Variants in OR2C3 observed in about 807,000 individuals in gnomAD.
The protein encoded by OR2C3 is olfactory receptor family 2 subfamily C member 3, also known as olfactory receptor 2C3.
For synonymous variants in OR2C3, 178 were observed against 163.4 expected (o/e 1.09, Z -0.68); for missense variants, 425 against 401.5 (o/e 1.06, Z -0.50).
At chr1:247,535,242 G>A (rs183346998) in intron 1 of OR2C3, among the ~76,000 whole-genome samples, 2 of 152,258 alleles carry the variant, frequency 1.3e-5, no homozygotes, top group Admixed American at 6.5e-5. Flanking sequence ...TTCAACCCAC[G>A]AGATCAAGGC....
In OR2C3 at chr1:247,527,426, C is replaced by G. The variant is rs1379838629; in HGVS notation, c.*4123G>C. 2 of 156,164 alleles carry G rather than the reference C, an allele frequency of 1.3e-5. No individual in the cohort carries two copies. Among genetic ancestry groups the G allele is most frequent in the African/African-American group, 4.8e-5 (2 of 41,556 alleles). 9.7% of individuals were successfully genotyped at this position (156,164 alleles called of 1,614,324 possible). A position where few individuals can be genotyped will look rare whatever the true frequency, so the allele number is the denominator to read the frequency against. ...TACTGCCACTTCCTCATTGCTTTCT[C>G]TGGAGGTTCTACCAACTTGACTACT... On this transcript the variant is annotated 3_prime_UTR_variant, in exon 3 of 3. Coordinates refer to ENST00000641802, the MANE Select transcript of OR2C3 (RefSeq NM_198074.6). This position sits in a 1 kb window ranked among gnomAD's most constrained non-coding sequence, Gnocchi z 4.6.
rs749532361 is a variant in OR2C3 at position 247,531,949 on chromosome 1, A to G, written c.563T>C (p.Leu188Pro). ...FFCEMPLIMQLACVDTSLNEM... is the reference protein window; with the variant it reads ...FFCEMPLIMQPACVDTSLNEM... ...ATTGAGGCTGGTATCCACACAAGCC[A>G]GTTGCATAATGAGGGGCATCTCGCA... The change falls in exon 3 of 3, where the codon CTG becomes CCG. Residue 188 changes from leucine to proline, a missense_variant. Transcript: ENST00000641802. The G allele has an allele frequency of 1.2e-6, 2 of 1,614,194 alleles. No homozygotes were observed. Among genetic ancestry groups the G allele is most frequent in the Admixed American group, 1.7e-5 (1 of 60,028 alleles).
At position 247,531,297 on chromosome 1, in the gene OR2C3, A is replaced by T. The variant is rs1666941699; in HGVS notation, c.*252T>A. ...CTGAACAACAACGCAAGGAGTTTACAAAACAAGATGACAGTCAACATGTGT... is the reference window on the plus strand; with the variant it reads ...CTGAACAACAACGCAAGGAGTTTACTAAACAAGATGACAGTCAACATGTGT... On this transcript the variant is annotated 3_prime_UTR_variant, in exon 3 of 3. Transcript: ENST00000641802. 2 of 504,022 alleles carry T rather than the reference A, an allele frequency of 4.0e-6. No homozygotes were observed. Among genetic ancestry groups the T allele is most frequent in the Non-Finnish European group, 7.0e-6 (2 of 284,954 alleles). 31.2% of individuals were successfully genotyped at this position (504,022 alleles called of 1,614,324 possible).
At position 247,526,297 on chromosome 1, in the gene OR2C3, T is replaced by A. The variant is rs1666680180; in HGVS notation, c.*5252A>T. The A allele has an allele frequency of 6.6e-6, 1 of 152,206 alleles. No individual in the cohort carries two copies. Among genetic ancestry groups the A allele is most frequent in the African/African-American group, 2.4e-5 (1 of 41,448 alleles). 9.4% of individuals were successfully genotyped at this position (152,206 alleles called of 1,614,324 possible). On this transcript the variant is annotated 3_prime_UTR_variant, in exon 3 of 3. Coordinates refer to ENST00000641802, the MANE Select transcript of OR2C3 (RefSeq NM_198074.6). This position sits in a 1 kb window ranked among gnomAD's most constrained non-coding sequence, Gnocchi z 4.8. ...AATTTTTAAAGTTTATATTTTTTACTCTATCTGGCTCATAATACCTGACCT... is the reference window on the plus strand; with the variant it reads ...AATTTTTAAAGTTTATATTTTTTACACTATCTGGCTCATAATACCTGACCT...
rs892963610 is a variant in OR2C3, at chr1:247,529,773, C to G, written c.*1776G>C. 1 of 130,454 alleles carries G rather than the reference C, an allele frequency of 7.7e-6. No individual in the cohort carries two copies. The highest frequency in any genetic ancestry group is 2.3e-4 in the East Asian group (1 of 4,262). The allele number at this position is 130,454 out of a possible 1,614,324, so 8.1% of individuals were successfully genotyped here. A position where few individuals can be genotyped will look rare whatever the true frequency, so the allele number is the denominator to read the frequency against. The stretch of plus-strand genomic sequence containing the variant: ...TGCGATTAACATTTAAATCAGTAGA[C>G]TTTTAGTAAAGCAGATTACCCTTTA... On this transcript the variant is annotated 3_prime_UTR_variant, in exon 3 of 3. Coordinates refer to ENST00000641802, the MANE Select transcript of OR2C3 (RefSeq NM_198074.6).
Position 247,531,681 on chromosome 1 carries a change from C to T in OR2C3, c.831G>A (p.Leu277=). The change falls in exon 3 of 3, where the codon CTG becomes CTA. Residue 277 remains leucine (L), a synonymous_variant. Coordinates refer to ENST00000641802, the MANE Select transcript of OR2C3 (RefSeq NM_198074.6). ...GCGCAGGAGTGACTACGGTGTAGAACAGAGCTATGAACTTGCCCTGCTCAT... is the reference window on the plus strand; with the variant it reads ...GCGCAGGAGTGACTACGGTGTAGAATAGAGCTATGAACTTGCCCTGCTCAT... ...TSHEQGKFIA[L]FYTVVTPALN... is the part of the protein sequence containing the mutation. The T allele has an allele frequency of 1.2e-6, 2 of 1,614,156 alleles. No individual in the cohort carries two copies. The highest frequency in any genetic ancestry group is 1.7e-6 in the Non-Finnish European group (2 of 1,180,020).
rs751442863 is a variant in OR2C3, at chr1:247,532,549, A to G, written c.-29-9T>C. 1.9e-6 allele frequency: 3 copies of G among 1,597,428 alleles called. No individual in the cohort carries two copies. In the Admixed American group the frequency reaches 5.1e-5, roughly 27 times the overall value. The stretch of plus-strand genomic sequence containing the variant: ...GTGGGGCAAAAGGCCACCTGTGGGA[A>G]GAGCACAGGGCATACAGGGCATGAG... On this transcript the variant is annotated splice_polypyrimidine_tract_variant and intron_variant, in intron 2 of 2. Coordinates refer to ENST00000641802, the MANE Select transcript of OR2C3 (RefSeq NM_198074.6).
intron 1 of OR2C3, 150 bp from the exon 2 acceptor site, chr1:247,534,028 A>C (rs6698827): frequency 6.6e-6 from 1 of 151,614 alleles, no homozygotes; most frequent in Non-Finnish European, 1.5e-5. Context: ...CCCCTTCCTC[A>C]CCTTCTTCAG....
chr1:247,525,037 C>T lies in OR2C3; in HGVS notation c.*6512G>A, dbSNP rs750153949. 6 of 152,162 alleles carry T rather than the reference C, an allele frequency of 3.9e-5. No individual in the cohort carries two copies. Among genetic ancestry groups the T allele is most frequent in the Non-Finnish European group, 8.8e-5 (6 of 68,022 alleles). The allele number at this position is 152,162 out of a possible 1,614,324, so 9.4% of individuals were successfully genotyped here. On this transcript the variant is annotated 3_prime_UTR_variant, in exon 3 of 3. Transcript: ENST00000641802. The stretch of plus-strand genomic sequence containing the variant: ...CTAACAAAATCAAATGTTAGTGAAA[C>T]TGTGAGAATATATGCCTTTGTACAC...
rs1260534827 is a variant in OR2C3, at chr1:247,529,587, CAGTTG to C, written c.*1957_*1961del. On this transcript the variant is annotated 3_prime_UTR_variant, in exon 3 of 3. Transcript: ENST00000641802. ...GTCTCGTACATGATGCATAATAATC[CAGTTG>C]AAGAATGTTGCTTCACTTCACTGAA... 7 of 152,136 alleles carry C rather than the reference CAGTTG, an allele frequency of 4.6e-5. No individual in the cohort carries two copies. The highest frequency in any genetic ancestry group is 2.6e-4 in the Admixed American group (4 of 15,280). 9.4% of individuals were successfully genotyped at this position (152,136 alleles called of 1,614,324 possible).
chr1:247,526,171 T>C lies in OR2C3; in HGVS notation c.*5378A>G, dbSNP rs1030797231. 6.6e-6 allele frequency: 1 copy of C among 152,216 alleles called. No homozygotes were observed. Among genetic ancestry groups the C allele is most frequent in the Admixed American group, 6.5e-5 (1 of 15,286 alleles). The allele number at this position is 152,216 out of a possible 1,614,324, so 9.4% of individuals were successfully genotyped here. ...ATATCTGTGATCTATTAAGTGAATT[T>C]ATTTGCCAAGAAATCTTGAGCCTGC... On this transcript the variant is annotated 3_prime_UTR_variant, in exon 3 of 3. Coordinates refer to ENST00000641802, the MANE Select transcript of OR2C3 (RefSeq NM_198074.6). The surrounding 1 kb of genome is among the most constrained non-coding windows in gnomAD (Gnocchi z 4.8).
At chr1:247,534,173 C>T (rs1449214827) in intron 1 of OR2C3, among the ~76,000 whole-genome samples, 1 of 152,162 alleles carries the variant, frequency 6.6e-6, no homozygotes, top group Non-Finnish European at 1.5e-5. Context: ...AACAAATAAA[C>T]TACTCTTATT....
Position 247,536,409 on chromosome 1 carries a change from A to G in OR2C3, c.-643T>C, listed in dbSNP as rs1667220600. ...AAAGGACACATTATTAAGTATTTAA[A>G]TCACAATGGGATTGAACTAGCAGAA... On this transcript the variant is annotated 5_prime_UTR_variant, in exon 1 of 3. Coordinates refer to ENST00000641802, the MANE Select transcript of OR2C3 (RefSeq NM_198074.6). 1.3e-5 allele frequency: 2 copies of G among 152,256 alleles called. No individual in the cohort carries two copies. Among genetic ancestry groups the G allele is most frequent in the Admixed American group, 6.5e-5 (1 of 15,284 alleles). The allele number at this position is 152,256 out of a possible 1,614,324, so 9.4% of individuals were successfully genotyped here.
chr1:247,534,591 T>C (rs759546840), intron 1 of OR2C3, among the ~76,000 whole-genome samples: 3 of 152,190 alleles, frequency 2.0e-5, no homozygotes, highest in East Asian at 3.8e-4. Flanking sequence ...CTGAAGACCT[T>C]TGGGGCCCTT....
chr1:247,532,746 T>C (rs2103006784), intron 2 of OR2C3: 2 of 521,188 alleles, frequency 3.8e-6, no homozygotes, highest in Non-Finnish European at 6.9e-6. Context: ...TACAGGCACG[T>C]ACTACCATGT....
At position 247,532,125 on chromosome 1, in the gene OR2C3, C is replaced by T; in HGVS notation, c.387G>A (p.Arg129=). 6.2e-7 allele frequency: 1 copy of T among 1,613,882 alleles called. No homozygotes were observed. The highest frequency in any genetic ancestry group is 8.5e-7 in the Non-Finnish European group (1 of 1,179,912). ...MSYDRYAAIC[R]PLHYTVIMHP... The stretch of plus-strand genomic sequence containing the variant: ...GCATAATGACAGTGTAATGGAGTGG[C>T]CTGCAGATGGCAGCGTAGCGGTCAT... Residue 129 remains arginine (R), a synonymous_variant, in exon 3 of 3, where the codon AGG becomes AGA. Transcript: ENST00000641802.
In OR2C3 at chr1:247,531,845, C is replaced by T; in HGVS notation, c.667G>A (p.Ala223Thr). 6.2e-7 allele frequency: 1 copy of T among 1,614,132 alleles called. No homozygotes were observed. Among genetic ancestry groups the T allele is most frequent in the Non-Finnish European group, 8.5e-7 (1 of 1,180,040 alleles). The change falls in exon 3 of 3, where the codon GCC becomes ACC. Residue 223 changes from alanine to threonine, a missense_variant. By Grantham distance (58) the Ala-to-Thr change is moderately conservative. Coordinates refer to ENST00000641802, the MANE Select transcript of OR2C3 (RefSeq NM_198074.6). ...GLILVSYGHI[A>T]RAVLKIRSAE... The stretch of plus-strand genomic sequence containing the variant: ...GACCTGATCTTCAACACGGCCCGGG[C>T]AATGTGGCCGTAAGAGACCAGGATG...
chr1:247,531,458 A>T lies in OR2C3; in HGVS notation c.*91T>A. ...ATCTACCTTGAGCTCAAACAATATT[A>T]GAAGAAAAACGACATCCCAAGTGCC... On this transcript the variant is annotated 3_prime_UTR_variant, in exon 3 of 3. Coordinates refer to ENST00000641802, the MANE Select transcript of OR2C3 (RefSeq NM_198074.6). The T allele has an allele frequency of 7.6e-7, 1 of 1,310,758 alleles. No individual in the cohort carries two copies. The highest frequency in any genetic ancestry group is 1.5e-5 in the African/African-American group (1 of 68,178). The allele number at this position is 1,310,758 out of a possible 1,614,324, so 81.2% of individuals were successfully genotyped here.
Position 247,531,771 on chromosome 1 carries a change from A to G in OR2C3, c.741T>C (p.Ala247=), listed in dbSNP as rs2103003294. ...KAFNTCSSHV[A]VVSLFYGSII... ...TGCTCCCGTAAAACAGAGACACCAC[A>G]GCCACGTGGGAAGAACAGGTGTTGA... is the stretch of plus-strand genomic sequence containing the variant. The change falls in exon 3 of 3, where the codon GCT becomes GCC. Residue 247 remains alanine, a synonymous_variant. Transcript: ENST00000641802. 6.2e-7 allele frequency: 1 copy of G among 1,614,188 alleles called. No homozygotes were observed.
Sources: allele counts gnomAD v4.1 joint callset (sites outside exome capture counted in the v4.1 genomes callset), GRCh38; gene constraint gnomAD v4.1.1; non-coding constraint Gnocchi (gnomAD v3.1); transcripts MANE v1.5; gene names NCBI Gene and HGNC (gene_info 2026-07-23, HGNC 2026-07-21).